NTM: variants seen among roughly 807,000 people sequenced by gnomAD.
NTM encodes the protein neurotrimin, also known as IgLON family member 2.
A neutral mutation model predicts 42.1 loss-of-function variants in NTM; 13 were observed. The ratio of observed to expected loss-of-function variants is 0.31; its 90% confidence interval spans 0.20 to 0.49. The LOEUF is 0.49. NTM is among the 20% of genes least tolerant of loss of function. NTM has a pLI of 0.99. For synonymous variants in NTM, 187 were observed against 179.2 expected, an observed-to-expected ratio of 1.04 and a Z score of -0.35; for missense variants, 373 against 452.8, an observed-to-expected ratio of 0.82 and a Z score of 1.60.
chr11:131,902,112 G>C (rs1236889359), intron 1 of NTM, among the ~76,000 whole-genome samples: 1 of 152,200 alleles, frequency 6.6e-6, no homozygotes, highest in Non-Finnish European at 1.5e-5. Flanking sequence ...GAAAGTCACA[G>C]AGATTCACAA....
intron 2 of NTM, among the ~76,000 whole-genome samples, chr11:132,009,594 C>T (rs191655175): frequency 6.6e-6 from 1 of 152,306 alleles, no homozygotes; most frequent in Admixed American, 6.5e-5. Flanking sequence ...CCCCCAGGGA[C>T]GTCTTTGGAG....
intron 1 of NTM, among the ~76,000 whole-genome samples, chr11:131,646,688 A>G (rs2065811438): frequency 6.6e-6 from 1 of 152,138 alleles, no homozygotes; most frequent in Non-Finnish European, 1.5e-5. Flanking sequence ...AGGAACTTCT[A>G]GGGAGATGTA....
chr11:132,240,110 G>T (rs2089945160), intron 4 of NTM, among the ~76,000 whole-genome samples: 1 of 151,704 alleles, frequency 6.6e-6, no homozygotes, highest in Admixed American at 6.6e-5. Context: ...CATTTGCTTA[G>T]CATCTGCTAG....
chr11:131,562,613 T>C (rs1347643799), intron 1 of NTM, among the ~76,000 whole-genome samples: 3 of 152,044 alleles, frequency 2.0e-5, no homozygotes, highest in Non-Finnish European at 2.9e-5. Flanking sequence ...GAGACCTCTT[T>C]GAAGGCGCTC....
chr11:131,538,921 C>CTTTTTTTTTTTTTTTTTTTTTT (rs58463755), intron 1 of NTM, among the ~76,000 whole-genome samples: 2 of 102,390 alleles, frequency 2.0e-5, no homozygotes, highest in Non-Finnish European at 3.9e-5. Context: ...GTTAACTTAG[C>CTTTTTTTTTTTTTTTTTTTTTT]TTTTTTTTTT....
rs546397580 is a variant in NTM at position 131,910,809 on chromosome 11, C to T, written c.83-755C>T. ...CAGCCCCTGCCCCGCCGAGCCCCGC[C>T]GGACAGCGGCGGCCGCAGCGCGCAT... On this transcript the variant is annotated intron_variant, in intron 1 of 8. Coordinates refer to ENST00000683400, the MANE Select transcript of NTM (RefSeq NM_001352005.2). The T allele has an allele frequency of 2.0e-5, 20 of 984,348 alleles. No individual in the cohort carries two copies. In the South Asian group the frequency reaches 5.2e-4, roughly 25 times the overall value. The allele number at this position is 984,348 out of a possible 1,614,324, so 61.0% of individuals were successfully genotyped here.
At chr11:132,120,461 T>C (rs1291996889) in intron 2 of NTM, among the ~76,000 whole-genome samples, 1 of 152,200 alleles carries the variant, frequency 6.6e-6, no homozygotes, top group East Asian at 1.9e-4. Flanking sequence ...CTAATGGCTT[T>C]TATTTCCTCC....
intron 1 of NTM, among the ~76,000 whole-genome samples, chr11:131,731,004 G>T (rs1188255592): frequency 6.6e-6 from 1 of 152,258 alleles, no homozygotes; most frequent in South Asian, 2.1e-4. Flanking sequence ...GAACTACGAG[G>T]CTGCTTTTTT....
intron 2 of NTM, among the ~76,000 whole-genome samples, chr11:131,987,659 A>T (rs1265724448): frequency 6.6e-6 from 1 of 152,194 alleles, no homozygotes; most frequent in Admixed American, 6.5e-5. Context: ...ATTGAGTATA[A>T]AGAAAATCTT....
At chr11:132,327,284 A>T (rs532696452) in intron 7 of NTM, among the ~76,000 whole-genome samples, 1 of 152,208 alleles carries the variant, frequency 6.6e-6, no homozygotes, top group Non-Finnish European at 1.5e-5. Context: ...ATTAAGTCAG[A>T]TTTGATGGTA....
chr11:132,056,669 T>G (rs565663841), intron 2 of NTM, among the ~76,000 whole-genome samples: 1 of 152,354 alleles, frequency 6.6e-6, no homozygotes, highest in Non-Finnish European at 1.5e-5. Context: ...ATTATGCTTC[T>G]GTCTTTTCTT....
chr11:131,401,848 A>ATATATATGTG (rs1945270850), intron 1 of NTM, among the ~76,000 whole-genome samples: 1 of 99,402 alleles, frequency 1.0e-5, no homozygotes, highest in Non-Finnish European at 2.0e-5. Flanking sequence ...ATATATATAT[A>ATATATATGTG]TATATATATA....
At chr11:131,642,685 CA>C (rs1245356320) in intron 1 of NTM, among the ~76,000 whole-genome samples, 1 of 152,114 alleles carries the variant, frequency 6.6e-6, no homozygotes. Flanking sequence ...TGGGGTCATC[CA>C]AAAAGTTTGG....
At chr11:132,194,707 C>A (rs1378845167) in intron 3 of NTM, among the ~76,000 whole-genome samples, 1 of 152,030 alleles carries the variant, frequency 6.6e-6, no homozygotes, top group Non-Finnish European at 1.5e-5. Context: ...TTATTCTACA[C>A]CTAGAAAACC....
intron 1 of NTM, among the ~76,000 whole-genome samples, chr11:131,676,709 A>G (rs779924247): frequency 1.3e-5 from 2 of 151,906 alleles, no homozygotes; most frequent in Non-Finnish European, 2.9e-5. Context: ...TTCGTTGAAA[A>G]TTTTAAACCT....
At chr11:131,912,932 A>G (rs2055496750) in intron 2 of NTM, among the ~76,000 whole-genome samples, 1 of 152,180 alleles carries the variant, frequency 6.6e-6, no homozygotes, top group Non-Finnish European at 1.5e-5. Context: ...GAAGTGTGTA[A>G]TTTAGGGACC....
chr11:131,558,861 T>G (rs1312614299), intron 1 of NTM, among the ~76,000 whole-genome samples: 1 of 152,130 alleles, frequency 6.6e-6, no homozygotes, highest in African/African-American at 2.4e-5. Flanking sequence ...GATGGAAGAT[T>G]GATTTCAGGT....
intron 1 of NTM, among the ~76,000 whole-genome samples, chr11:131,607,693 G>C (rs755683880): frequency 1.3e-4 from 20 of 152,052 alleles, no homozygotes; most frequent in Admixed American, 3.3e-4. Flanking sequence ...TATAAAACAA[G>C]GTCTCTAATT....
chr11:132,000,626 A>G (rs967732737), intron 2 of NTM, among the ~76,000 whole-genome samples: 3 of 152,306 alleles, frequency 2.0e-5, no homozygotes, highest in Middle Eastern at 3.4e-3. Flanking sequence ...ACTCCTTCAG[A>G]CATTTATAAA....
Sources: allele counts gnomAD v4.1 joint callset (sites outside exome capture counted in the v4.1 genomes callset), GRCh38; gene constraint gnomAD v4.1.1; transcripts MANE v1.5; gene names NCBI Gene and HGNC (gene_info 2026-07-23, HGNC 2026-07-21).